Variants in CFAP20DC observed in about 807,000 individuals in gnomAD.
CFAP20DC encodes protein CFAP20DC.
Under a neutral mutation model 101.7 loss-of-function variants are expected in CFAP20DC, and 84 were observed. That is an observed-to-expected ratio of 0.83 (90% CI 0.69 to 0.99). The LOEUF is 0.99. CFAP20DC is among the 50% of genes least tolerant of loss of function. CFAP20DC has a pLI of 0.00. For synonymous variants in CFAP20DC, 359 were observed against 351.2 expected (o/e 1.02, Z -0.25); for missense variants, 1,007 against 970.3 (o/e 1.04, Z -0.50).
intron 4 of CFAP20DC, among the ~76,000 whole-genome samples, chr3:58,982,262 A>G (rs1461227315): frequency 6.6e-6 from 1 of 152,212 alleles, no homozygotes; most frequent in Non-Finnish European, 1.5e-5. Context: ...TGTTGCTGGG[A>G]CTGTAAACTA....
chr3:58,868,008 T>C lies in CFAP20DC; in HGVS notation c.1016-72A>G. Reference sequence around the variant, plus strand: ...ATGGCTTGAAGTAACTCAGTAAATATAATTATCACTATAATGAGAATATTC... The same window carrying C: ...ATGGCTTGAAGTAACTCAGTAAATACAATTATCACTATAATGAGAATATTC... On this transcript the variant is annotated intron_variant, in intron 9 of 16. Transcript: ENST00000482387. The surrounding 1 kb of genome is among the most constrained non-coding windows in gnomAD (Gnocchi z 4.6). 1 of 1,417,502 alleles carries C rather than the reference T, an allele frequency of 7.1e-7. No individual in the cohort carries two copies. The highest frequency in any genetic ancestry group is 2.4e-5 in the East Asian group (1 of 41,440). The allele number at this position is 1,417,502 out of a possible 1,614,324, so 87.8% of individuals were successfully genotyped here. A position where few individuals can be genotyped will look rare whatever the true frequency, so the allele number is the denominator to read the frequency against.
chr3:59,031,384 C>T (rs1340269022), intron 4 of CFAP20DC, among the ~76,000 whole-genome samples: 1 of 151,940 alleles, frequency 6.6e-6, no homozygotes, highest in African/African-American at 2.4e-5. Flanking sequence ...TGTTAAGGAG[C>T]TTAAAAATAA....
intron 13 of CFAP20DC, among the ~76,000 whole-genome samples, chr3:58,834,655 T>C (rs1392009526): frequency 6.6e-6 from 1 of 152,140 alleles, no homozygotes; most frequent in African/African-American, 2.4e-5. Context: ...AACCTCTCTA[T>C]GCATCAACTT....
At chr3:58,924,468 A>G (rs749001808) in intron 5 of CFAP20DC, among the ~76,000 whole-genome samples, 2 of 152,018 alleles carry the variant, frequency 1.3e-5, no homozygotes, top group Non-Finnish European at 2.9e-5. Context: ...TCTTTACCCA[A>G]TCATCTGATG....
chr3:58,980,239 A>G (rs887102342), intron 4 of CFAP20DC, among the ~76,000 whole-genome samples: 15 of 152,182 alleles, frequency 9.9e-5, no homozygotes, highest in Non-Finnish European at 2.1e-4. Flanking sequence ...AAACTTGAAG[A>G]TAAAGTTACC....
chr3:59,000,968 G>A (rs1238854784), intron 4 of CFAP20DC, among the ~76,000 whole-genome samples: 1 of 151,886 alleles, frequency 6.6e-6, no homozygotes, highest in Admixed American at 6.6e-5. Flanking sequence ...AACTTGATAG[G>A]GGGAAAAAGG....
chr3:58,778,287 C>A (rs1233429863), intron 15 of CFAP20DC, among the ~76,000 whole-genome samples: 1 of 152,160 alleles, frequency 6.6e-6, no homozygotes, highest in Non-Finnish European at 1.5e-5. Flanking sequence ...ATCTTCCCAG[C>A]CTGGCTTTAC....
At chr3:59,025,209 C>T (rs1395884525) in intron 4 of CFAP20DC, among the ~76,000 whole-genome samples, 2 of 152,154 alleles carry the variant, frequency 1.3e-5, no homozygotes, top group Non-Finnish European at 2.9e-5. Context: ...AAATAACTAG[C>T]ATCCATACCA....
intron 3 of CFAP20DC, among the ~76,000 whole-genome samples, chr3:59,044,370 C>T (rs999417203): frequency 6.6e-6 from 1 of 151,984 alleles, no homozygotes; most frequent in Non-Finnish European, 1.5e-5. Flanking sequence ...TTCCAAATAA[C>T]CTTAAAGGCA....
intron 4 of CFAP20DC, among the ~76,000 whole-genome samples, chr3:58,983,018 T>G (rs914507358): frequency 1.3e-5 from 2 of 151,966 alleles, no homozygotes; most frequent in African/African-American, 4.8e-5. Flanking sequence ...CATATGCAGA[T>G]GAAGAGGGTC....
Position 58,890,450 on chromosome 3 carries a change from C to A in CFAP20DC, c.551-5741G>T, listed in dbSNP as rs530906737. Among the ~76,000 whole-genome samples the A allele has an allele frequency of 2.1e-5, 3 of 140,100 alleles. No individual in the cohort carries two copies. The East Asian group carries it at 6.7e-4, about 31-fold the overall frequency. The allele number at this position is 140,100 out of a possible 152,430, so 91.9% of individuals were successfully genotyped here. A position where few individuals can be genotyped will look rare whatever the true frequency, so the allele number is the denominator to read the frequency against. On this transcript the variant is annotated intron_variant, in intron 6 of 16. Coordinates refer to ENST00000482387, the MANE Select transcript of CFAP20DC (RefSeq NM_001394063.1). ...CGGGCGGGGGGGCTGACCCCCCCCACGTCCCTCCCGGACGGGGCGGCTGGT... is the reference window on the plus strand; with the variant it reads ...CGGGCGGGGGGGCTGACCCCCCCCAAGTCCCTCCCGGACGGGGCGGCTGGT...
chr3:58,736,302 T>A (rs575237987), intron 3 of CFAP20DC, among the ~76,000 whole-genome samples: 1 of 152,280 alleles, frequency 6.6e-6, no homozygotes, highest in South Asian at 2.1e-4. Context: ...GTTTTCAGGG[T>A]CTGAAATGTC....
At chr3:58,936,033 G>A (rs1294980593) in intron 5 of CFAP20DC, among the ~76,000 whole-genome samples, 5 of 151,988 alleles carry the variant, frequency 3.3e-5, no homozygotes, top group African/African-American at 9.7e-5. Context: ...ATCTGACAAA[G>A]GGCTAATATC....
intron 16 of CFAP20DC, among the ~76,000 whole-genome samples, chr3:58,749,348 C>T (rs2068415389): frequency 6.6e-6 from 1 of 152,128 alleles, no homozygotes; most frequent in Admixed American, 6.6e-5. Context: ...GAGCAGGCAG[C>T]CAGATCCTAA....
chr3:58,975,050 G>A (rs1014456646), intron 4 of CFAP20DC, among the ~76,000 whole-genome samples: 6 of 152,144 alleles, frequency 3.9e-5, no homozygotes. Context: ...TCCAGTAGGT[G>A]GAAGGGAGAT....
intron 3 of CFAP20DC, among the ~76,000 whole-genome samples, chr3:59,044,662 T>G (rs988127219): frequency 6.6e-6 from 1 of 152,004 alleles, no homozygotes; most frequent in Non-Finnish European, 1.5e-5. Context: ...TATCTCAGAA[T>G]CAAATGAGAA....
intron 15 of CFAP20DC, among the ~76,000 whole-genome samples, chr3:58,785,225 A>G (rs1386259331): frequency 2.0e-5 from 3 of 152,104 alleles, no homozygotes; most frequent in Non-Finnish European, 4.4e-5. Context: ...TGAGAGTTCA[A>G]AAAGTGGATC....
intron 6 of CFAP20DC, among the ~76,000 whole-genome samples, chr3:58,891,024 G>C (rs1354260959): frequency 2.0e-5 from 3 of 148,418 alleles, no homozygotes; most frequent in Non-Finnish European, 4.5e-5. Context: ...AGACGGGGTG[G>C]CGGCCGGGCA....
chr3:58,854,598 A>G (rs1473278710), intron 12 of CFAP20DC, among the ~76,000 whole-genome samples: 2 of 152,230 alleles, frequency 1.3e-5, no homozygotes. Flanking sequence ...CTACAAGGCT[A>G]CAGTAACCAA....
Sources: allele counts gnomAD v4.1 joint callset (sites outside exome capture counted in the v4.1 genomes callset), GRCh38; gene constraint gnomAD v4.1.1; non-coding constraint Gnocchi (gnomAD v3.1); transcripts MANE v1.5; gene names NCBI Gene and HGNC (gene_info 2026-07-23, HGNC 2026-07-21).